Variants in ERBB4 observed in about 807,000 individuals in gnomAD.
ERBB4 encodes the protein receptor tyrosine-protein kinase erbB-4.
In ERBB4, 42 loss-of-function variants were observed where a neutral mutation model predicts 158.0. The observed-to-expected ratio is 0.27, with a 90% CI of 0.21 to 0.34. The LOEUF is 0.34. Among genes scored for constraint, ERBB4 ranks in the 10% least tolerant of loss-of-function variants. The probability of loss-of-function intolerance (pLI) is 1.00; values close to 1 mark genes in which losing one functional copy is unlikely to be tolerated. For synonymous variants in ERBB4, 583 were observed against 558.7 expected (o/e 1.04, Z -0.61); for missense variants, 1,333 against 1,624.1 (o/e 0.82, Z 3.08).
chr2:212,235,327 T>C (rs1469894095), intron 1 of ERBB4, among the ~76,000 whole-genome samples: 1 of 152,198 alleles, frequency 6.6e-6, no homozygotes, highest in African/African-American at 2.4e-5. Context: ...TCTGTTCCAT[T>C]CATCTATATA....
intron 19 of ERBB4, among the ~76,000 whole-genome samples, chr2:211,583,181 C>T (rs989528859): frequency 5.9e-5 from 9 of 152,140 alleles, no homozygotes; most frequent in African/African-American, 2.2e-4. Flanking sequence ...ATGAAATTCA[C>T]TTTATCGACA....
intron 1 of ERBB4, among the ~76,000 whole-genome samples, chr2:212,524,374 A>G (rs899769107): frequency 6.6e-6 from 1 of 151,996 alleles, no homozygotes; most frequent in African/African-American, 2.4e-5. Context: ...AGCAGCTAAT[A>G]CCTTGCCAGG....
chr2:212,146,909 G>C (rs1559593754), intron 1 of ERBB4, among the ~76,000 whole-genome samples: 1 of 151,242 alleles, frequency 6.6e-6, no homozygotes, highest in Non-Finnish European at 1.5e-5. Flanking sequence ...GGGTAAAACT[G>C]ATATGGGGAC....
At chr2:211,803,365 A>T (rs2076542719) in intron 3 of ERBB4, among the ~76,000 whole-genome samples, 1 of 152,222 alleles carries the variant, frequency 6.6e-6, no homozygotes, top group Non-Finnish European at 1.5e-5. Context: ...TTAGATTATC[A>T]CCGAAGAGTC....
chr2:212,098,848 T>A (rs143739656), intron 2 of ERBB4, among the ~76,000 whole-genome samples: 170 of 152,274 alleles, frequency 1.1e-3, no homozygotes, highest in African/African-American at 3.9e-3. Context: ...GTACAATTAA[T>A]GACTCCTATA....
At chr2:211,740,667 G>A (rs1383357211) in intron 5 of ERBB4, among the ~76,000 whole-genome samples, 1 of 125,334 alleles carries the variant, frequency 8.0e-6, no homozygotes, top group East Asian at 2.4e-4. Context: ...TCCCTCTGTC[G>A]CGGCGTGATC....
In ERBB4 at chr2:211,750,711, A is replaced by G. The variant is rs767700087; in HGVS notation, c.557-7T>C. On this transcript the variant is annotated splice_region_variant and splice_polypyrimidine_tract_variant and intron_variant, in intron 4 of 27. Transcript: ENST00000342788. ...GACTTATGGCAACGTCCACCTGCAG[A>G]ACACGAAAAGGGAAAAAGGACATGC... The G allele has an allele frequency of 3.1e-6, 5 of 1,613,462 alleles. No individual in the cohort carries two copies. In the African/African-American group the frequency reaches 6.7e-5, roughly 22 times the overall value.
At chr2:212,489,932 T>TAAAA (rs1441789875) in intron 1 of ERBB4, among the ~76,000 whole-genome samples, 2 of 151,690 alleles carry the variant, frequency 1.3e-5, no homozygotes, top group East Asian at 3.9e-4. Context: ...AAATCTCGAG[T>TAAAA]TGTCTTTTAC....
chr2:212,315,284 A>G (rs1479990507), intron 1 of ERBB4, among the ~76,000 whole-genome samples: 1 of 151,388 alleles, frequency 6.6e-6, no homozygotes, highest in East Asian at 2.0e-4. Context: ...TATCCGGGCT[A>G]GAGGTTCACT....
In ERBB4 at chr2:212,112,853, G is replaced by C. The variant is rs1004565475; in HGVS notation, c.234+11899C>G. Among the ~76,000 whole-genome samples, 4 of 152,238 alleles carry C rather than the reference G, an allele frequency of 2.6e-5. 1 individual carries two copies. The highest frequency in any genetic ancestry group is 6.8e-3 in the Middle Eastern group (2 of 294). On this transcript the variant is annotated intron_variant, in intron 2 of 27. Transcript: ENST00000342788. ...AAATACTGTTTCTTTTTATTACAAAGATTATAATTCCAGTATAACAAAATT... is the reference window on the plus strand; with the variant it reads ...AAATACTGTTTCTTTTTATTACAAACATTATAATTCCAGTATAACAAAATT...
At chr2:211,805,949 A>C (rs904954971) in intron 3 of ERBB4, among the ~76,000 whole-genome samples, 10 of 151,790 alleles carry the variant, frequency 6.6e-5, no homozygotes, top group Admixed American at 2.6e-4. Flanking sequence ...AAAAAGAGAA[A>C]TATAAAGAAG....
chr2:211,580,781 A>G (rs2068044128), intron 19 of ERBB4, among the ~76,000 whole-genome samples: 1 of 64,778 alleles, frequency 1.5e-5, no homozygotes, highest in Non-Finnish European at 2.6e-5. Flanking sequence ...TAGATAAAGA[A>G]ATTGTGATAT....
intron 1 of ERBB4, among the ~76,000 whole-genome samples, chr2:212,347,500 T>C (rs140340838): frequency 1.1e-3 from 170 of 152,270 alleles, no homozygotes; most frequent in Non-Finnish European, 1.5e-3. Context: ...CTTTATTTAA[T>C]TGTTACACTT....
At chr2:212,150,764 A>C (rs935170433) in intron 1 of ERBB4, among the ~76,000 whole-genome samples, 1 of 152,222 alleles carries the variant, frequency 6.6e-6, no homozygotes, top group Admixed American at 6.5e-5. Context: ...AACTGCTTAC[A>C]TTCATGCCTA....
chr2:212,364,155 C>T (rs1416738009), intron 1 of ERBB4, among the ~76,000 whole-genome samples: 2 of 151,694 alleles, frequency 1.3e-5, no homozygotes, highest in East Asian at 1.9e-4. Flanking sequence ...TGCAATTAGC[C>T]ATTCTTTTGA....
intron 20 of ERBB4, among the ~76,000 whole-genome samples, chr2:211,529,481 T>C (rs765018388): frequency 1.6e-4 from 24 of 152,040 alleles, no homozygotes; most frequent in Non-Finnish European, 2.6e-4. Context: ...GAGGAGGGAA[T>C]AGTTTCAAAT....
intron 1 of ERBB4, among the ~76,000 whole-genome samples, chr2:212,215,379 G>A (rs1488849604): frequency 6.6e-6 from 1 of 151,404 alleles, no homozygotes; most frequent in Non-Finnish European, 1.5e-5. Context: ...AAAAGTCTAA[G>A]AGAATCATTT....
intron 3 of ERBB4, among the ~76,000 whole-genome samples, chr2:211,881,516 G>C (rs1016675713): frequency 3.5e-4 from 48 of 137,674 alleles, no homozygotes; most frequent in African/African-American, 1.2e-3. Context: ...TTTTTTGTTA[G>C]CACATGTATG....
At chr2:212,506,241 C>G (rs1203831474) in intron 1 of ERBB4, among the ~76,000 whole-genome samples, 1 of 148,700 alleles carries the variant, frequency 6.7e-6, no homozygotes, top group Admixed American at 6.7e-5. Flanking sequence ...GGCCATTTCC[C>G]CATCTCTCTC....
Sources: gnomAD v4.1 joint callset for allele counts (sites outside exome capture counted in the v4.1 genomes callset) on GRCh38, gnomAD v4.1.1 for gene constraint, MANE v1.5 for transcripts, NCBI Gene and HGNC (gene_info 2026-07-23, HGNC 2026-07-21) for gene names.